ATM: variants seen among roughly 807,000 people sequenced by gnomAD.
ATM encodes the protein ATM serine/threonine kinase.
ATM carries 308 observed loss-of-function variants against 387.0 expected under a neutral mutation model. The ratio of observed to expected loss-of-function variants is 0.80; its 90% confidence interval spans 0.73 to 0.87. ATM has a LOEUF of 0.87. Ranked by LOEUF, ATM falls within the 40% of genes least tolerant of loss-of-function variation. ATM has a pLI of 0.00. For missense variants in ATM, 3,312 were observed against 3,560.9 expected (o/e 0.93, Z 1.78); for synonymous variants, 1,156 against 1,187.3 (o/e 0.97, Z 0.54).
In ATM at chr11:108,229,662, C is replaced by T. The variant is rs118155576; in HGVS notation, c.331+339C>T. The T allele has an allele frequency of 2.8e-3, 641 of 227,990 alleles. 2 individuals carry two copies. Among genetic ancestry groups the T allele is most frequent in the Admixed American group, 4.5e-3 (84 of 18,618 alleles). 14.1% of individuals were successfully genotyped at this position (227,990 alleles called of 1,614,324 possible). On this transcript the variant is annotated intron_variant, in intron 4 of 62. Transcript: ENST00000675843. ...GGAAATTTATGCAAGCATAGAATGA[C>T]AGAAATCTGAGGATTGAAGGGATTT...
chr11:108,318,263 G>A (rs2084919840), intron 43 of ATM, among the ~76,000 whole-genome samples: 1 of 152,110 alleles, frequency 6.6e-6, no homozygotes, highest in East Asian at 1.9e-4. Flanking sequence ...TTGGGAGCCT[G>A]AGGCAGGAGA....
chr11:108,365,221 G>A lies in ATM; in HGVS notation c.8987+3G>A, dbSNP rs56360226. 29 of 1,614,064 alleles carry A rather than the reference G, an allele frequency of 1.8e-5. No homozygotes were observed. In the East Asian group the frequency reaches 5.1e-4, roughly 29 times the overall value. ...CAAGAATGCAAACGAAATCTCAGGT[G>A]AGCAGTATTTTAAGAAGGTCCTGTT... On this transcript the variant is annotated splice_donor_region_variant and intron_variant, in intron 62 of 62. Coordinates refer to ENST00000675843, the MANE Select transcript of ATM (RefSeq NM_000051.4).
At chr11:108,331,276 A>C in intron 50 of ATM, 168 bp from the exon 51 acceptor site, 1 of 1,371,958 alleles carries the variant, frequency 7.3e-7, no homozygotes, top group South Asian at 1.7e-5. Flanking sequence ...ACCCATTAGA[A>C]AGACCTTCAG....
At chr11:108,332,647 C>A in intron 52 of ATM, 115 bp from the exon 53 acceptor site, 1 of 1,108,880 alleles carries the variant, frequency 9.0e-7, no homozygotes. Context: ...GAATTATAAT[C>A]ATTCCATTGT....
At chr11:108,345,722 A>C in intron 57 of ATM, 21 bp from the exon 58 acceptor site, 1 of 1,513,478 alleles carries the variant, frequency 6.6e-7, no homozygotes, top group Non-Finnish European at 9.0e-7. Context: ...AAAAATAATT[A>C]TATATATTCT....
Position 108,227,691 on chromosome 11 carries a change from C to T in ATM, c.67C>T (p.Arg23Ter), listed in dbSNP as rs746235533. 3.7e-6 allele frequency: 6 copies of T among 1,613,346 alleles called. No homozygotes were observed. The highest frequency in any genetic ancestry group is 2.2e-5 in the South Asian group (2 of 91,056). The change falls in exon 2 of 63, where the codon CGA becomes TGA. Residue 23 changes from arginine (R) to a stop codon, truncating the protein, a stop_gained. Coordinates refer to ENST00000675843, the MANE Select transcript of ATM (RefSeq NM_000051.4). LOFTEE classifies it high-confidence loss of function. ...ACTAGAACATGATAGAGCTACAGAA[C>T]GAAAGGTAGTAAATTACTTAAATTC... ...RQLEHDRATE[R>*]KKEVEKFKRL...
At position 108,267,203 on chromosome 11, in the gene ATM, A is replaced by C. The variant is rs1060504263; in HGVS notation, c.2499A>C (p.Gly833=). 8 of 1,614,170 alleles carry C rather than the reference A, an allele frequency of 5.0e-6. No individual in the cohort carries two copies. Among genetic ancestry groups the C allele is most frequent in the Non-Finnish European group, 6.8e-6 (8 of 1,180,020 alleles). The part of the protein sequence containing the change: ...ASFIKKPFDR[G]EVESMEDDTN... ...TCATCAAAAAGCCATTTGACCGTGG[A>C]GAAGTAGAATCAATGGAAGATGATA... The change falls in exon 17 of 63, where the codon GGA becomes GGC. Residue 833 remains glycine, a synonymous_variant. Transcript: ENST00000675843.
Position 108,275,589 on chromosome 11 carries a change from T to C in ATM, c.3284+2737T>C, listed in dbSNP as rs1447761482. Among the ~76,000 whole-genome samples, 8 of 152,232 alleles carry C rather than the reference T, an allele frequency of 5.3e-5. No homozygotes were observed. In the South Asian group the frequency reaches 1.2e-3, roughly 24 times the overall value. On this transcript the variant is annotated intron_variant, in intron 22 of 62. Coordinates refer to ENST00000675843, the MANE Select transcript of ATM (RefSeq NM_000051.4). Reference sequence around the variant, plus strand: ...CAAAATCTCTCAGCATTTGCTTGTCTATAAAGGATTTTATTTCTCCTTTGG... The same window carrying C: ...CAAAATCTCTCAGCATTTGCTTGTCCATAAAGGATTTTATTTCTCCTTTGG...
At chr11:108,300,938 A>G (rs976394577) in intron 34 of ATM, among the ~76,000 whole-genome samples, 1 of 138,914 alleles carries the variant, frequency 7.2e-6, no homozygotes, top group Admixed American at 8.0e-5. Flanking sequence ...GCTGGAGCGC[A>G]GTGGCATGAT....
chr11:108,328,841 G>A (rs982453974), intron 48 of ATM, among the ~76,000 whole-genome samples, 180 bp from the exon 49 acceptor site: 6 of 152,166 alleles, frequency 3.9e-5, no homozygotes, highest in Admixed American at 1.3e-4. Flanking sequence ...ATTCAAAGCC[G>A]TCCTGGGCCA....
chr11:108,335,926 A>G lies in ATM; in HGVS notation c.8233A>G (p.Thr2745Ala). The G allele has an allele frequency of 6.2e-7, 1 of 1,613,890 alleles. No individual in the cohort carries two copies. The highest frequency in any genetic ancestry group is 8.5e-7 in the Non-Finnish European group (1 of 1,179,774). The change falls in exon 56 of 63, where the codon ACT becomes GCT. Residue 2745 changes from threonine (T) to alanine (A), a missense_variant. Transcript: ENST00000675843. The part of the protein sequence containing the change: ...CNTLLQRNTE[T>A]RKRKLTICTY... ...TACATTACTGCAGAGAAACACGGAA[A>G]CTAGGAAGAGGAAATTAACTATCTG...
At chr11:108,289,170 T>G in intron 28 of ATM, 67 bp downstream of exon 28, 1 of 1,475,452 alleles carries the variant, frequency 6.8e-7, no homozygotes, top group Admixed American at 2.0e-5. Context: ...ACTTTGTAAA[T>G]ACATCTTAAA....
intron 18 of ATM, among the ~76,000 whole-genome samples, chr11:108,269,116 C>G (rs747301316): frequency 1.3e-5 from 2 of 152,132 alleles, no homozygotes; most frequent in African/African-American, 4.8e-5. Context: ...GATGAAATCG[C>G]ACACGTGATG....
chr11:108,275,693 A>G (rs1018417313), intron 22 of ATM, among the ~76,000 whole-genome samples: 1 of 151,958 alleles, frequency 6.6e-6, no homozygotes, highest in Non-Finnish European at 1.5e-5. Context: ...ATTGGCCCCC[A>G]CTCTCTTCTG....
rs774768437 is a variant in ATM at position 108,227,672 on chromosome 11, A to G, written c.48A>G (p.Glu16=). 6 of 1,613,870 alleles carry G rather than the reference A, an allele frequency of 3.7e-6. No homozygotes were observed. The highest frequency in any genetic ancestry group is 5.1e-6 in the Non-Finnish European group (6 of 1,179,886). The change falls in exon 2 of 63, where the codon GAA becomes GAG. Residue 16 remains glutamate (E), a synonymous_variant. Coordinates refer to ENST00000675843, the MANE Select transcript of ATM (RefSeq NM_000051.4). ...TGCTTATCTGCTGCCGTCAACTAGA[A>G]CATGATAGAGCTACAGAACGAAAGG... ...NDLLICCRQL[E]HDRATERKKE... is the part of the protein sequence containing the mutation.
intron 44 of ATM, 136 bp from the exon 45 acceptor site, chr11:108,321,163 GTA>G (rs761148733): frequency 1.8e-6 from 2 of 1,130,850 alleles, no homozygotes; most frequent in Non-Finnish European, 2.5e-6. Flanking sequence ...CTGCTATTTT[GTA>G]TTCACTGTTG....
In ATM at chr11:108,253,927, T is replaced by G. The variant is rs750897021; in HGVS notation, c.2012T>G (p.Ile671Arg). 1 of 1,613,988 alleles carries G rather than the reference T, an allele frequency of 6.2e-7. No individual in the cohort carries two copies. Among genetic ancestry groups the G allele is most frequent in the African/African-American group, 1.3e-5 (1 of 74,926 alleles). ...TTAACCATTGTGAGAGAATGTGGTA[T>G]AGAAAAGCACCAGTCCAGTATTGGC... The part of the protein sequence containing the change: ...DFLTIVRECG[I>R]EKHQSSIGFS... Residue 671 changes from isoleucine to arginine, a missense_variant, in exon 13 of 63, where the codon ATA becomes AGA. Ile to Arg is a moderately conservative substitution (Grantham distance 97). Coordinates refer to ENST00000675843, the MANE Select transcript of ATM (RefSeq NM_000051.4).
chr11:108,314,981 A>G (rs919258209), intron 40 of ATM, among the ~76,000 whole-genome samples: 3 of 152,226 alleles, frequency 2.0e-5, no homozygotes, highest in Non-Finnish European at 4.4e-5. Flanking sequence ...TGTATCAAAC[A>G]ATTCACCTTT....
chr11:108,257,814 C>CA (rs1378451284), intron 15 of ATM, among the ~76,000 whole-genome samples: 1 of 152,170 alleles, frequency 6.6e-6, no homozygotes, highest in African/African-American at 2.4e-5. Context: ...GTAGCCTATG[C>CA]AGGGAATTGA....
Sources: gnomAD v4.1 joint callset for allele counts (sites outside exome capture counted in the v4.1 genomes callset) on GRCh38, gnomAD v4.1.1 for gene constraint, MANE v1.5 for transcripts, NCBI Gene and HGNC (gene_info 2026-07-23, HGNC 2026-07-21) for gene names.